Variants in PKHD1 observed in about 807,000 individuals in gnomAD.
PKHD1 encodes fibrocystin.
PKHD1 carries 291 observed loss-of-function variants against 412.0 expected under a neutral mutation model. The ratio of observed to expected loss-of-function variants is 0.71; its 90% CI spans 0.64 to 0.78. PKHD1 has a LOEUF of 0.78. PKHD1 is among the 30% of genes least tolerant of loss of function. The pLI, the probability that PKHD1 is intolerant of heterozygous loss-of-function variation, is 0.00. For synonymous variants in PKHD1, 1,777 were observed against 1,821.5 expected (o/e 0.98, Z 0.62); for missense variants, 4,825 against 4,950.7 (o/e 0.97, Z 0.76).
chr6:51,686,139 C>T (rs1416501164), intron 60 of PKHD1, among the ~76,000 whole-genome samples: 1 of 152,098 alleles, frequency 6.6e-6, no homozygotes, highest in African/African-American at 2.4e-5. Flanking sequence ...TGGATGACAG[C>T]ACCTAAATCT....
chr6:51,963,183 G>A (rs189463668), intron 35 of PKHD1, among the ~76,000 whole-genome samples: 7 of 152,110 alleles, frequency 4.6e-5, no homozygotes, highest in African/African-American at 1.7e-4. Context: ...GTGTTTTCAA[G>A]CTCCATTTAA....
At chr6:51,791,489 G>T (rs1793743244) in intron 52 of PKHD1, 116 bp from the exon 53 acceptor site, 4 of 877,980 alleles carry the variant, frequency 4.6e-6, no homozygotes, top group Non-Finnish European at 7.4e-6. Flanking sequence ...ACCAGGACAG[G>T]TATAGCAACT....
chr6:52,025,576 A>C lies in PKHD1; in HGVS notation c.4234T>G (p.Leu1412Val). Reference sequence around the variant, plus strand: ...GACCTCCTTCTAGAGTTAAGAAGCAACCCCCTCACAGTAAGTATGGTCCCA... The same window carrying C: ...GACCTCCTTCTAGAGTTAAGAAGCACCCCCCTCACAGTAAGTATGGTCCCA... ...CGGTILTVRG[L>V]LLNSRRRSVR... Residue 1412 changes from leucine (L) to valine (V), a missense_variant, in exon 32 of 67, where the codon TTG becomes GTG. Transcript: ENST00000371117. 2 of 1,613,902 alleles carry C rather than the reference A, an allele frequency of 1.2e-6. No individual in the cohort carries two copies. The highest frequency in any genetic ancestry group is 8.5e-7 in the Non-Finnish European group (1 of 1,179,986).
At position 51,834,527 on chromosome 6, in the gene PKHD1, CAGAT is replaced by C. The variant is rs1768845107; in HGVS notation, c.8173+1873_8173+1876del. Among the ~76,000 whole-genome samples, 3 of 151,868 alleles carry C rather than the reference CAGAT, an allele frequency of 2.0e-5. No homozygotes were observed. In the South Asian group the frequency reaches 6.2e-4, roughly 32 times the overall value. On this transcript the variant is annotated intron_variant, in intron 51 of 66. Coordinates refer to ENST00000371117, the MANE Select transcript of PKHD1 (RefSeq NM_138694.4). ...AAACAATGGAATGAATGAGTTAACA[CAGAT>C]AGATGTGTTAACTCATTCATTCATT...
intron 43 of PKHD1, among the ~76,000 whole-genome samples, chr6:51,889,536 A>G (rs1778778392): frequency 6.6e-6 from 1 of 152,190 alleles, no homozygotes; most frequent in Non-Finnish European, 1.5e-5. Flanking sequence ...ACACTATCTG[A>G]AATTTAAATT....
At chr6:51,902,093 C>T (rs1013502647) in intron 43 of PKHD1, among the ~76,000 whole-genome samples, 6 of 152,172 alleles carry the variant, frequency 3.9e-5, no homozygotes, top group African/African-American at 1.2e-4. Flanking sequence ...GACATTCCAG[C>T]TTCACACAGC....
In PKHD1 at chr6:52,025,537, G is replaced by A. The variant is rs565836750; in HGVS notation, c.4273C>T (p.Leu1425Phe). The change falls in exon 32 of 67, where the codon CTC becomes TTC. Residue 1425 changes from leucine (L) to phenylalanine (F), a missense_variant. Leu to Phe is a conservative substitution (Grantham distance 22). Coordinates refer to ENST00000371117, the MANE Select transcript of PKHD1 (RefSeq NM_138694.4). Reference protein sequence around the residue: ...NSRRRSVRVDLSGPFTCVILS... With the variant: ...NSRRRSVRVDFSGPFTCVILS... ...ATCACACAAGTAAAAGGACCCGAGA[G>A]GTCAACCCGAACTGACCTCCTTCTA... 4.3e-6 allele frequency: 7 copies of A among 1,614,136 alleles called. No individual in the cohort carries two copies. In the Admixed American group the frequency reaches 6.7e-5, roughly 15 times the overall value.
At chr6:51,658,680 A>G (rs184853446) in intron 61 of PKHD1, among the ~76,000 whole-genome samples, 1 of 152,270 alleles carries the variant, frequency 6.6e-6, no homozygotes, top group East Asian at 1.9e-4. Context: ...TGCTTCAAAA[A>G]TATCTCTTCC....
intron 60 of PKHD1, among the ~76,000 whole-genome samples, chr6:51,688,840 A>G (rs1777787176): frequency 6.6e-6 from 1 of 152,204 alleles, no homozygotes; most frequent in African/African-American, 2.4e-5. Context: ...ACTACCTTGA[A>G]ATTGGGTCAG....
intron 45 of PKHD1, among the ~76,000 whole-genome samples, chr6:51,885,434 C>A (rs2127550296): frequency 6.6e-6 from 1 of 152,252 alleles, no homozygotes; most frequent in African/African-American, 2.4e-5. Context: ...ACATCAAATG[C>A]ACAACATTTG....
At chr6:51,800,030 G>A (rs1762664223) in intron 52 of PKHD1, among the ~76,000 whole-genome samples, 1 of 152,152 alleles carries the variant, frequency 6.6e-6, no homozygotes, top group Non-Finnish European at 1.5e-5. Flanking sequence ...TGGAATTTCT[G>A]TTGCTCAATG....
At chr6:51,906,612 A>G (rs1782140121) in intron 40 of PKHD1, among the ~76,000 whole-genome samples, 1 of 152,166 alleles carries the variant, frequency 6.6e-6, no homozygotes, top group Admixed American at 6.5e-5. Flanking sequence ...AAAAGAACTC[A>G]TGGCTGTCAA....
At chr6:51,947,293 C>T (rs1456664083) in intron 36 of PKHD1, among the ~76,000 whole-genome samples, 1 of 152,126 alleles carries the variant, frequency 6.6e-6, no homozygotes, top group Non-Finnish European at 1.5e-5. Context: ...ATTTTCTCAT[C>T]TCTATTTAAA....
chr6:51,700,715 G>A (rs1467439788), intron 60 of PKHD1, among the ~76,000 whole-genome samples: 1 of 152,014 alleles, frequency 6.6e-6, no homozygotes, highest in Non-Finnish European at 1.5e-5. Flanking sequence ...ACTTAACATT[G>A]CTTTCTTTGG....
chr6:51,690,271 C>CAAAAAA (rs70977310), intron 60 of PKHD1, among the ~76,000 whole-genome samples: 61 of 109,912 alleles, frequency 5.5e-4, no homozygotes, highest in Non-Finnish European at 7.4e-4. Flanking sequence ...GACTCCATCT[C>CAAAAAA]AAAAAAAAAA....
rs772354158 is a variant in PKHD1, at chr6:51,632,569, G to C, written c.11661C>G (p.Ser3887Arg). The change falls in exon 65 of 67, where the codon AGC (serine) becomes AGG (arginine). Residue 3887 changes from serine to arginine, a missense_variant. Ser to Arg is a moderately radical substitution (Grantham distance 110). Transcript: ENST00000371117. Reference protein sequence around the residue: ...LVCCWLKRSKSRKTKPEEIPE... With the variant: ...LVCCWLKRSKRRKTKPEEIPE... ...AATAAAAAAAAAACTACATACTTCTGCTTTTGCTTCTTTTAAGCCAACAGC... is the reference window on the plus strand; with the variant it reads ...AATAAAAAAAAAACTACATACTTCTCCTTTTGCTTCTTTTAAGCCAACAGC... The C allele has an allele frequency of 6.2e-7, 1 of 1,611,684 alleles. No individual in the cohort carries two copies. The highest frequency in any genetic ancestry group is 8.5e-7 in the Non-Finnish European group (1 of 1,178,678).
intron 21 of PKHD1, 69 bp from the exon 22 acceptor site, chr6:52,050,364 G>T: frequency 6.6e-7 from 1 of 1,517,584 alleles, no homozygotes; most frequent in East Asian, 2.3e-5. Flanking sequence ...GAAAATCCCA[G>T]TTGGAAATGT....
Position 52,025,545 on chromosome 6 carries a change from C to T in PKHD1, c.4265G>A (p.Arg1422Gln), listed in dbSNP as rs557773345. The T allele has an allele frequency of 3.3e-5, 54 of 1,614,134 alleles. No individual in the cohort carries two copies. Among genetic ancestry groups the T allele is most frequent in the East Asian group, 4.5e-5 (2 of 44,890 alleles). ...LLLNSRRRSV[R>Q]VDLSGPFTCV... ...AGTAAAAGGACCCGAGAGGTCAACC[C>T]GAACTGACCTCCTTCTAGAGTTAAG... Residue 1422 changes from arginine to glutamine, a missense_variant, in exon 32 of 67, where the codon CGG becomes CAG. By Grantham distance (43) the Arg-to-Gln change is conservative. Coordinates refer to ENST00000371117, the MANE Select transcript of PKHD1 (RefSeq NM_138694.4).
chr6:51,684,701 G>T (rs2150583827), intron 60 of PKHD1, among the ~76,000 whole-genome samples: 1 of 152,256 alleles, frequency 6.6e-6, no homozygotes, highest in East Asian at 1.9e-4. Flanking sequence ...GACTGCTAGG[G>T]ATTCACAGCT....
Sources: allele counts gnomAD v4.1 joint callset (sites outside exome capture counted in the v4.1 genomes callset), GRCh38; gene constraint gnomAD v4.1.1; transcripts MANE v1.5; gene names NCBI Gene and HGNC (gene_info 2026-07-23, HGNC 2026-07-21).